Variants in TIGIT observed in about 807,000 individuals in gnomAD.
TIGIT encodes T cell immunoreceptor with Ig and ITIM domains.
In TIGIT, 11 loss-of-function variants were observed where a neutral mutation model predicts 19.6. The ratio of observed to expected loss-of-function variants is 0.56; its 90% CI spans 0.35 to 0.93. TIGIT has a LOEUF of 0.93. TIGIT is among the 40% of genes least tolerant of loss of function. The pLI is 0.01. For synonymous variants in TIGIT, 130 were observed against 125.5 expected (o/e 1.04, Z -0.24); for missense variants, 295 against 303.9 (o/e 0.97, Z 0.22).
At chr3:114,294,262 T>A in intron 1 of TIGIT, 140 bp downstream of exon 1, 2 of 637,008 alleles carry the variant, frequency 3.1e-6, no homozygotes, top group Non-Finnish European at 5.5e-6. Context: ...TTTAGAGTCC[T>A]GTGTACTCTT....
intron 3 of TIGIT, 112 bp from the exon 4 acceptor site, chr3:114,307,783 A>G (rs562708043): frequency 2.1e-6 from 2 of 960,014 alleles, no homozygotes; most frequent in Non-Finnish European, 3.2e-6. Context: ...TGGTAAGAAC[A>G]TAAGTTTGCT....
chr3:114,303,560 T>C (rs1453244508), intron 3 of TIGIT, among the ~76,000 whole-genome samples: 14 of 5,822 alleles, frequency 2.4e-3, no homozygotes, highest in Non-Finnish European at 7.3e-3. Context: ...TGTATATATA[T>C]ATACATATAT....
chr3:114,305,780 A>AGATG (rs139399080), intron 3 of TIGIT, among the ~76,000 whole-genome samples: 22,648 of 143,600 alleles, frequency 0.16, 2,088 homozygotes, highest in Non-Finnish European at 0.22. Flanking sequence ...TAGGAGATAT[A>AGATG]GATGGATGGA....
At chr3:114,301,694 A>G (rs1229374824) in intron 3 of TIGIT, among the ~76,000 whole-genome samples, 1 of 152,218 alleles carries the variant, frequency 6.6e-6, no homozygotes, top group Non-Finnish European at 1.5e-5. Flanking sequence ...GAGAAAGAGA[A>G]AAAGGTGAAG....
Position 114,294,107 on chromosome 3 carries a change from G to C in TIGIT, c.46G>C (p.Ala16Pro), listed in dbSNP as rs777596601. 8 of 1,554,792 alleles carry C rather than the reference G, an allele frequency of 5.1e-6. No individual in the cohort carries two copies. Among genetic ancestry groups the C allele is most frequent in the African/African-American group, 1.4e-5 (1 of 73,540 alleles). The change falls in exon 1 of 4, where the codon GCT becomes CCT. Residue 16 changes from alanine to proline, a missense_variant. By Grantham distance (27) the Ala-to-Pro change is conservative (BLOSUM62 -1). Transcript: ENST00000383671. Reference protein sequence around the residue: ...LLIWAQGLRQAPLASGMMTGT... With the variant: ...LLIWAQGLRQPPLASGMMTGT... ...GATCTGGGCCCAGGGGCTGAGGCAG[G>C]CTCCCCTCGCCTCAGGTAAGGCCTG... is the stretch of plus-strand genomic sequence containing the variant.
intron 3 of TIGIT, among the ~76,000 whole-genome samples, chr3:114,301,429 T>C (rs145225013): frequency 3.5e-4 from 54 of 152,168 alleles, no homozygotes; most frequent in Middle Eastern, 3.4e-3. Flanking sequence ...GAACCCTCTA[T>C]GGGAAGGTGA....
intron 2 of TIGIT, among the ~76,000 whole-genome samples, chr3:114,296,361 C>A (rs759589724): frequency 6.6e-5 from 10 of 152,132 alleles, no homozygotes. Flanking sequence ...ATTTGTTATC[C>A]ACCTGTACAT....
intron 3 of TIGIT, among the ~76,000 whole-genome samples, chr3:114,302,487 C>G (rs1323960983): frequency 6.6e-6 from 1 of 152,222 alleles, no homozygotes; most frequent in African/African-American, 2.4e-5. Flanking sequence ...CCAGCTGTAT[C>G]TCTCCTGGGC....
intron 3 of TIGIT, among the ~76,000 whole-genome samples, chr3:114,301,093 T>C (rs942685929): frequency 5.9e-5 from 9 of 152,210 alleles, no homozygotes; most frequent in African/African-American, 1.7e-4. Flanking sequence ...CTGGTATTGA[T>C]TGGGAGGAGT....
chr3:114,305,674 C>T (rs918503456), intron 3 of TIGIT, among the ~76,000 whole-genome samples: 2 of 152,112 alleles, frequency 1.3e-5, no homozygotes, highest in Non-Finnish European at 1.5e-5. Flanking sequence ...TCACAGCGTA[C>T]ACTCCCAGCA....
At position 114,307,982 on chromosome 3, in the gene TIGIT, C is replaced by T. The variant is rs200210113; in HGVS notation, c.586C>T (p.Pro196Ser). ...QEEWSPSAPS[P>S]PGSCVQAEAA... is the part of the protein sequence containing the mutation. ...GGAATGGAGCCCCAGTGCTCCCTCA[C>T]CCCCAGGAAGCTGTGTCCAGGCAGA... Residue 196 changes from proline (P) to serine (S), a missense_variant, in exon 4 of 4, where the codon CCC (proline) becomes TCC (serine). Coordinates refer to ENST00000383671, the MANE Select transcript of TIGIT (RefSeq NM_173799.4). The T allele has an allele frequency of 8.7e-6, 14 of 1,614,148 alleles. No individual in the cohort carries two copies. The highest frequency in any genetic ancestry group is 1.2e-5 in the Non-Finnish European group (14 of 1,180,018).
At chr3:114,299,855 G>C in intron 3 of TIGIT, 152 bp downstream of exon 3, 1 of 599,946 alleles carries the variant, frequency 1.7e-6, no homozygotes, top group Non-Finnish European at 3.0e-6. Flanking sequence ...CTGCCTATTA[G>C]TGCAGTTATT....
chr3:114,294,076 C>T lies in TIGIT; in HGVS notation c.15C>T (p.Leu5=). MRWC[L]LLIWAQGLRQ... ...TGGGCAGAAGCATGCGCTGGTGTCTCCTCCTGATCTGGGCCCAGGGGCTGA... is the reference window on the plus strand; with the variant it reads ...TGGGCAGAAGCATGCGCTGGTGTCTTCTCCTGATCTGGGCCCAGGGGCTGA... Residue 5 remains leucine, a synonymous_variant, in exon 1 of 4, where the codon CTC becomes CTT. Coordinates refer to ENST00000383671, the MANE Select transcript of TIGIT (RefSeq NM_173799.4). 6.4e-7 allele frequency: 1 copy of T among 1,553,510 alleles called. No homozygotes were observed. Among genetic ancestry groups the T allele is most frequent in the East Asian group, 2.4e-5 (1 of 41,334 alleles).
At chr3:114,297,904 G>A (rs1477378340) in intron 2 of TIGIT, among the ~76,000 whole-genome samples, 4 of 152,156 alleles carry the variant, frequency 2.6e-5, no homozygotes, top group African/African-American at 9.7e-5. Flanking sequence ...TTGGTCACTC[G>A]GCTCTTCCCT....
intron 3 of TIGIT, among the ~76,000 whole-genome samples, chr3:114,300,345 G>A (rs1393053259): frequency 4.6e-5 from 7 of 151,612 alleles, no homozygotes; most frequent in South Asian, 2.1e-4. Context: ...GCACTCCAGC[G>A]TGGGCAACAG....
At chr3:114,296,064 A>G in intron 2 of TIGIT, 190 bp downstream of exon 2, 1 of 565,304 alleles carries the variant, frequency 1.8e-6, no homozygotes, top group Non-Finnish European at 3.1e-6. Context: ...GCAGAGCTAA[A>G]CAAGGGTAAG....
chr3:114,294,519 A>G (rs1389866659), intron 1 of TIGIT, among the ~76,000 whole-genome samples: 1 of 152,182 alleles, frequency 6.6e-6, no homozygotes, highest in African/African-American at 2.4e-5. Flanking sequence ...TGAATTGAAA[A>G]TGTCTTTTTC....
Position 114,295,787 on chromosome 3 carries a change from G to A in TIGIT, c.304G>A (p.Asp102Asn), listed in dbSNP as rs146935299. ...CACCCTCCAGTCGCTGACCGTGAAC[G>A]ATACAGGGGAGTACTTCTGCATCTA... ...GLTLQSLTVN[D>N]TGEYFCIYHT... Residue 102 changes from aspartate (D) to asparagine (N), a missense_variant, in exon 2 of 4, where the codon GAT (aspartate) becomes AAT (asparagine). Physicochemically the swap from Asp to Asn is conservative, Grantham distance 23. Transcript: ENST00000383671. 134 of 1,614,184 alleles carry A rather than the reference G, an allele frequency of 8.3e-5. No homozygotes were observed. The Middle Eastern group carries it at 1.6e-3, about 20-fold the overall frequency.
intron 2 of TIGIT, among the ~76,000 whole-genome samples, chr3:114,297,505 G>C (rs1211025185): frequency 2.0e-5 from 3 of 152,196 alleles, no homozygotes; most frequent in Admixed American, 6.5e-5. Context: ...GACCATTCTG[G>C]GCTCTTTACC....
Sources: allele counts gnomAD v4.1 joint callset (sites outside exome capture counted in the v4.1 genomes callset), GRCh38; gene constraint gnomAD v4.1.1; transcripts MANE v1.5; gene names NCBI Gene and HGNC (gene_info 2026-07-23, HGNC 2026-07-21).